HTRA1: variants seen among roughly 807,000 people sequenced by gnomAD.
HTRA1 encodes the protein serine protease HTRA1.
A neutral mutation model predicts 49.7 loss-of-function variants in HTRA1; 26 were observed. The ratio of observed to expected loss-of-function variants is 0.52; its 90% CI spans 0.38 to 0.73. The LOEUF (loss-of-function observed/expected upper bound fraction) is 0.73. Among genes scored for constraint, HTRA1 ranks in the 30% least tolerant of loss-of-function variants. The probability of loss-of-function intolerance (pLI) is 0.00; values close to 1 mark genes in which losing one functional copy is unlikely to be tolerated. For missense variants in HTRA1, 561 were observed against 667.2 expected (o/e 0.84, Z 1.75); for synonymous variants, 291 against 286.9 (o/e 1.01, Z -0.14).
At chr10:122,483,677 T>C (rs940817307) in intron 1 of HTRA1, among the ~76,000 whole-genome samples, 1 of 152,242 alleles carries the variant, frequency 6.6e-6, no homozygotes, top group Non-Finnish European at 1.5e-5. Context: ...GAGAAATTGA[T>C]AGCTTAACAA....
At chr10:122,509,614 C>G (rs552196208) in intron 6 of HTRA1, among the ~76,000 whole-genome samples, 1 of 152,158 alleles carries the variant, frequency 6.6e-6, no homozygotes, top group Non-Finnish European at 1.5e-5. Context: ...TGCATCCTAA[C>G]GACATTTAAG....
In HTRA1 at chr10:122,490,748, C is replaced by T. The variant is rs146759066; in HGVS notation, c.777+1122C>T. On this transcript the variant is annotated intron_variant, in intron 3 of 8. Transcript: ENST00000368984. This position sits in a 1 kb window ranked among gnomAD's most constrained non-coding sequence, Gnocchi z 4.2. ...TGGCTGTTTGTGCTGTTCAGTGGCA[C>T]GCTGGTTACACCTCCTTCTGGAAAC... Among the ~76,000 whole-genome samples the T allele has an allele frequency of 1.1e-4, 17 of 152,280 alleles. No individual in the cohort carries two copies. The highest frequency in any genetic ancestry group is 7.2e-4 in the Admixed American group (11 of 15,306).
At chr10:122,501,584 C>A (rs1022434308) in intron 3 of HTRA1, among the ~76,000 whole-genome samples, 2 of 152,138 alleles carry the variant, frequency 1.3e-5, no homozygotes, top group African/African-American at 4.8e-5. Flanking sequence ...CAACCCTGAC[C>A]CCACCGCATT....
chr10:122,471,081 T>C (rs1376683384), intron 1 of HTRA1, among the ~76,000 whole-genome samples: 1 of 152,168 alleles, frequency 6.6e-6, no homozygotes, highest in Non-Finnish European at 1.5e-5. Context: ...ACGCTCCTCC[T>C]GGGGTGGCCT....
At chr10:122,474,628 A>G (rs927357682) in intron 1 of HTRA1, among the ~76,000 whole-genome samples, 3 of 152,206 alleles carry the variant, frequency 2.0e-5, no homozygotes, top group African/African-American at 7.2e-5. Flanking sequence ...CAGCTGAGAA[A>G]TCTGCGAAGG....
At chr10:122,462,463 A>C (rs1299957303) in intron 1 of HTRA1, among the ~76,000 whole-genome samples, 2 of 152,258 alleles carry the variant, frequency 1.3e-5, no homozygotes, top group Admixed American at 1.3e-4. Context: ...TGGGGGCATA[A>C]AGGAAGGAGA....
At position 122,506,909 on chromosome 10, in the gene HTRA1, T is replaced by C. The variant is rs771083000; in HGVS notation, c.972+24T>C. 3.1e-6 allele frequency: 5 copies of C among 1,604,508 alleles called. No individual in the cohort carries two copies. The Admixed American group carries it at 8.3e-5, about 27-fold the overall frequency. ...ACGTGAGCCTCTGTCCCTCTGCGGGTGGGGATTGGGGCAGAGTTTTGCCAG... is the reference window on the plus strand; with the variant it reads ...ACGTGAGCCTCTGTCCCTCTGCGGGCGGGGATTGGGGCAGAGTTTTGCCAG... On this transcript the variant is annotated intron_variant, in intron 4 of 8. Transcript: ENST00000368984. The surrounding 1 kb of genome is among the most constrained non-coding windows in gnomAD (Gnocchi z 5.2).
In HTRA1 at chr10:122,497,561, C is replaced by T. The variant is rs1002198355; in HGVS notation, c.777+7935C>T. Among the ~76,000 whole-genome samples the T allele has an allele frequency of 5.3e-5, 8 of 152,114 alleles. No individual in the cohort carries two copies. The South Asian group carries it at 6.2e-4, about 12-fold the overall frequency. On this transcript the variant is annotated intron_variant, in intron 3 of 8. Transcript: ENST00000368984. ...AATAGAGTAGGACTGAGCCCCTGTCCACCATGACAGCCGGGAGATACAAGC... is the reference window on the plus strand; with the variant it reads ...AATAGAGTAGGACTGAGCCCCTGTCTACCATGACAGCCGGGAGATACAAGC...
chr10:122,485,115 C>A (rs1199102237), intron 1 of HTRA1, among the ~76,000 whole-genome samples: 3 of 152,210 alleles, frequency 2.0e-5, no homozygotes, highest in Admixed American at 2.0e-4. Context: ...CTTTTAGACA[C>A]ACTTTTATTC....
At position 122,506,759 on chromosome 10, in the gene HTRA1, C is replaced by G; in HGVS notation, c.846C>G (p.Ile282Met). The G allele has an allele frequency of 6.2e-7, 1 of 1,613,866 alleles. No homozygotes were observed. Among genetic ancestry groups the G allele is most frequent in the Non-Finnish European group, 8.5e-7 (1 of 1,180,014 alleles). The change falls in exon 4 of 9, where the codon ATC (isoleucine) becomes ATG (methionine). Residue 282 changes from isoleucine (I) to methionine (M), a missense_variant. Ile to Met is a conservative substitution (Grantham distance 10). Transcript: ENST00000368984. The surrounding 1 kb of genome is among the most constrained non-coding windows in gnomAD (Gnocchi z 5.2). ...ELRPGEFVVA[I>M]GSPFSLQNTV... is the part of the protein sequence containing the mutation. Reference sequence around the variant, plus strand: ...GGCCGGGAGAGTTCGTGGTCGCCATCGGAAGCCCGTTTTCCCTTCAAAACA... The same window carrying G: ...GGCCGGGAGAGTTCGTGGTCGCCATGGGAAGCCCGTTTTCCCTTCAAAACA...
Position 122,461,955 on chromosome 10 carries a change from G to A in HTRA1, c.303G>A (p.Val101=), listed in dbSNP as rs1180941135. The A allele has an allele frequency of 6.7e-7, 1 of 1,500,818 alleles. No individual in the cohort carries two copies. The highest frequency in any genetic ancestry group is 2.1e-5 in the Admixed American group (1 of 47,720). The allele number at this position is 1,500,818 out of a possible 1,614,324, so 93.0% of individuals were successfully genotyped here. The change falls in exon 1 of 9, where the codon GTG becomes GTA. Residue 101 remains valine (V), a synonymous_variant. Coordinates refer to ENST00000368984, the MANE Select transcript of HTRA1 (RefSeq NM_002775.5). ...TCGGGGTGCCAGCCTCGGCCACGGT[G>A]CGGCGGCGCGCGCAGGCCGGCCTCT... ...VPFGVPASAT[V]RRRAQAGLCV...
intron 5 of HTRA1, among the ~76,000 whole-genome samples, chr10:122,508,051 G>T (rs987603217): frequency 6.6e-6 from 1 of 152,170 alleles, no homozygotes; most frequent in African/African-American, 2.4e-5. Flanking sequence ...AAGGCCCAGT[G>T]TGATGGCACC....
chr10:122,509,778 G>A (rs1209367790), intron 6 of HTRA1, among the ~76,000 whole-genome samples: 1 of 152,180 alleles, frequency 6.6e-6, no homozygotes, highest in Non-Finnish European at 1.5e-5. Context: ...CAAGGGTGGT[G>A]GCAGTGGAGG....
intron 5 of HTRA1, among the ~76,000 whole-genome samples, chr10:122,507,738 G>A (rs2097503776): frequency 6.6e-6 from 1 of 152,138 alleles, no homozygotes. Context: ...AAAAATGCTG[G>A]CCAGTCACCG....
intron 3 of HTRA1, among the ~76,000 whole-genome samples, chr10:122,495,929 C>T (rs2097498383): frequency 6.6e-6 from 1 of 152,192 alleles, no homozygotes; most frequent in African/African-American, 2.4e-5. Context: ...GGGACATGGT[C>T]ATGCTCACTT....
chr10:122,507,158 G>GA (rs995619313), intron 4 of HTRA1, among the ~76,000 whole-genome samples: 8 of 152,142 alleles, frequency 5.3e-5, no homozygotes, highest in Non-Finnish European at 1.2e-4. Flanking sequence ...GCTTCAGAGA[G>GA]AAAATCTCCC....
rs749454027 is a variant in HTRA1, at chr10:122,464,194, A to G, written c.472+2070A>G. Among the ~76,000 whole-genome samples, 1 of 152,222 alleles carries G rather than the reference A, an allele frequency of 6.6e-6. No homozygotes were observed. Among genetic ancestry groups the G allele is most frequent in the Non-Finnish European group, 1.5e-5 (1 of 68,048 alleles). ...TACTGGTCTCGCTGTTTGTGGTCTCATCGCACGGGGTCCTGAGTTGCTGGC... is the reference window on the plus strand; with the variant it reads ...TACTGGTCTCGCTGTTTGTGGTCTCGTCGCACGGGGTCCTGAGTTGCTGGC... On this transcript the variant is annotated intron_variant, in intron 1 of 8. Transcript: ENST00000368984. The surrounding 1 kb of genome is among the most constrained non-coding windows in gnomAD (Gnocchi z 4.8).
intron 1 of HTRA1, among the ~76,000 whole-genome samples, chr10:122,462,503 C>T (rs746794488): frequency 6.6e-6 from 1 of 152,286 alleles, no homozygotes; most frequent in Non-Finnish European, 1.5e-5. Flanking sequence ...TGGCGCCTCG[C>T]AGAGCGGCTT....
At chr10:122,509,981 T>G in intron 6 of HTRA1, 115 bp from the exon 7 acceptor site, 2 of 834,920 alleles carry the variant, frequency 2.4e-6, no homozygotes. Context: ...GCAACCTCAG[T>G]GTACCCTTCT....
Sources: gnomAD v4.1 joint callset for allele counts (sites outside exome capture counted in the v4.1 genomes callset) on GRCh38, gnomAD v4.1.1 for gene constraint, Gnocchi (gnomAD v3.1) non-coding constraint, MANE v1.5 for transcripts, NCBI Gene and HGNC (gene_info 2026-07-23, HGNC 2026-07-21) for gene names.